HORMAD1: variants seen among roughly 807,000 people sequenced by gnomAD.
The protein encoded by HORMAD1 is HORMA domain containing 1.
A neutral mutation model predicts 58.2 loss-of-function variants in HORMAD1; 33 were observed. That is an observed-to-expected ratio of 0.57 (90% confidence interval 0.43 to 0.76). The LOEUF (loss-of-function observed/expected upper bound fraction) is 0.76. HORMAD1 is among the 30% of genes least tolerant of loss of function. The pLI is 0.00. For synonymous variants in HORMAD1, 137 were observed against 144.6 expected (o/e 0.95, Z 0.38); for missense variants, 363 against 462.0 (o/e 0.79, Z 1.96).
At chr1:150,713,384 G>A (rs1201172216) in intron 5 of HORMAD1, among the ~76,000 whole-genome samples, 3 of 151,976 alleles carry the variant, frequency 2.0e-5, no homozygotes, top group South Asian at 2.1e-4. Flanking sequence ...TATTTACTAC[G>A]CCTTAATGGG....
At chr1:150,714,461 A>G (rs1015312523) in intron 4 of HORMAD1, among the ~76,000 whole-genome samples, 154 bp downstream of exon 4, 7 of 152,198 alleles carry the variant, frequency 4.6e-5, no homozygotes, top group African/African-American at 1.7e-4. Context: ...GGAGAGGAAA[A>G]CTTCGGTGGA....
chr1:150,709,878 T>G (rs1188179141), intron 7 of HORMAD1, among the ~76,000 whole-genome samples: 1 of 152,240 alleles, frequency 6.6e-6, no homozygotes, highest in East Asian at 1.9e-4. Context: ...GAGAAACAAA[T>G]CTGGCTTACG....
chr1:150,708,478 A>G (rs1435199066), intron 8 of HORMAD1, 71 bp from the exon 9 acceptor site: 1 of 985,972 alleles, frequency 1.0e-6, no homozygotes, highest in Non-Finnish European at 1.5e-6. Context: ...TTACATTTTA[A>G]CTATTTGAGA....
At chr1:150,698,962 G>C (rs1651453079) in intron 14 of HORMAD1, 3 of 386,572 alleles carry the variant, frequency 7.8e-6, no homozygotes, top group African/African-American at 2.1e-5. Flanking sequence ...CTTCAGTAGG[G>C]CTGCTCTAGA....
intron 2 of HORMAD1, 109 bp downstream of exon 2, chr1:150,719,364 C>T: frequency 1.4e-6 from 1 of 701,376 alleles, no homozygotes; most frequent in East Asian, 2.8e-5. Flanking sequence ...TTCCTGGTAT[C>T]ATAAAACCCT....
rs587635291 is a variant in HORMAD1, at chr1:150,712,506, A to G, written c.280-653T>C. Reference sequence around the variant, plus strand: ...GCTATTCTCCTTACTCCCAATCTTAATCTCCTTCTACAGCATATTCTCTAA... The same window carrying G: ...GCTATTCTCCTTACTCCCAATCTTAGTCTCCTTCTACAGCATATTCTCTAA... On this transcript the variant is annotated intron_variant, in intron 5 of 14. Transcript: ENST00000361824. Among the ~76,000 whole-genome samples the G allele has an allele frequency of 4.3e-3, 660 of 152,146 alleles. 5 individuals are homozygous for G. Among genetic ancestry groups the G allele is most frequent in the African/African-American group, 0.015 (615 of 41,500 alleles).
chr1:150,709,181 G>C (rs1376585127), intron 7 of HORMAD1, among the ~76,000 whole-genome samples: 1 of 152,174 alleles, frequency 6.6e-6, no homozygotes, highest in Non-Finnish European at 1.5e-5. Context: ...TCATTGTAAT[G>C]TATGTTATTG....
Position 150,706,641 on chromosome 1 carries a change from G to C in HORMAD1, c.716C>G (p.Thr239Ser). Residue 239 changes from threonine to serine, a missense_variant, in exon 10 of 15, where the codon ACT becomes AGT. By Grantham distance (58) the Thr-to-Ser change is moderately conservative. Around this residue, in one of 3 missense-constraint regions of HORMAD1, gnomAD observed 226 missense variants for 257.8 expected, o/e 0.88. Transcript: ENST00000361824. Reference protein sequence around the residue: ...ERERMENIDSTILSPKQIKTP... With the variant: ...ERERMENIDSSILSPKQIKTP... ...TTTTATTTGTTTTGGTGATAGTATA[G>C]TTGAGTCAATATTTTCCATTCGTTC... 1 of 1,612,994 alleles carries C rather than the reference G, an allele frequency of 6.2e-7. No individual in the cohort carries two copies. Among genetic ancestry groups the C allele is most frequent in the East Asian group, 2.2e-5 (1 of 44,814 alleles).
At chr1:150,718,753 T>C (rs1652165431) in intron 2 of HORMAD1, among the ~76,000 whole-genome samples, 1 of 152,112 alleles carries the variant, frequency 6.6e-6, no homozygotes, top group African/African-American at 2.4e-5. Context: ...GCCACCTTCA[T>C]AGCTGAGACT....
chr1:150,706,589 G>C lies in HORMAD1; in HGVS notation c.768C>G (p.Asp256Glu), dbSNP rs1179437305. The C allele has an allele frequency of 4.3e-6, 7 of 1,609,852 alleles. No homozygotes were observed. The African/African-American group carries it at 9.4e-5, about 22-fold the overall frequency. ...GCTCCTGTTCATCTTCTACATCTTT[G>C]TCCCTCAGGATTTTTTGAAATGGTG... ...IKTPFQKILR[D>E]KDVEDEQEHY... Residue 256 changes from aspartate (D) to glutamate (E), a missense_variant, in exon 10 of 15, where the codon GAC (aspartate) becomes GAG (glutamate). Physicochemically the swap from Asp to Glu is conservative, Grantham distance 45 (BLOSUM62 2). Coordinates refer to ENST00000361824, the MANE Select transcript of HORMAD1 (RefSeq NM_032132.5).
chr1:150,704,380 C>T, intron 10 of HORMAD1, 37 bp from the exon 11 acceptor site: 2 of 1,306,576 alleles, frequency 1.5e-6, no homozygotes, highest in Non-Finnish European at 2.1e-6. Context: ...TGACACATTT[C>T]AAAAAGGAAC....
At chr1:150,709,266 G>A (rs587670958) in intron 7 of HORMAD1, among the ~76,000 whole-genome samples, 3 of 152,244 alleles carry the variant, frequency 2.0e-5, no homozygotes, top group Non-Finnish European at 1.5e-5. Flanking sequence ...TTTTGAAAAA[G>A]ACTTGTACTT....
At position 150,698,754 on chromosome 1, in the gene HORMAD1, AC is replaced by A; in HGVS notation, c.1105-21del. The A allele has an allele frequency of 7.4e-7, 1 of 1,344,444 alleles. No individual in the cohort carries two copies. Among genetic ancestry groups the A allele is most frequent in the Non-Finnish European group, 1.0e-6 (1 of 954,174 alleles). The allele number at this position is 1,344,444 out of a possible 1,614,324, so 83.3% of individuals were successfully genotyped here. On this transcript the variant is annotated intron_variant, in intron 14 of 14. Coordinates refer to ENST00000361824, the MANE Select transcript of HORMAD1 (RefSeq NM_032132.5). ...GAGGACCTGTCAAAAGAAAACAACT[AC>A]TAAGAATAGATACTTTCCTGTTTAA...
At chr1:150,716,856 G>C (rs1470763708) in intron 3 of HORMAD1, among the ~76,000 whole-genome samples, 1 of 151,060 alleles carries the variant, frequency 6.6e-6, no homozygotes, top group Non-Finnish European at 1.5e-5. Flanking sequence ...CCAGCTACTC[G>C]TGAGGCTGAA....
At position 150,708,861 on chromosome 1, in the gene HORMAD1, C is replaced by A. The variant is rs1005489807; in HGVS notation, c.395+33G>T. 2.8e-6 allele frequency: 3 copies of A among 1,081,720 alleles called. No individual in the cohort carries two copies. The African/African-American group carries it at 4.7e-5, about 17-fold the overall frequency. 67.0% of individuals were successfully genotyped at this position (1,081,720 alleles called of 1,614,324 possible). ...AGCATTAATATGAATAAGTGGTAAT[C>A]TGTAATACAAACAGAAAACTATAGA... On this transcript the variant is annotated intron_variant, in intron 8 of 14. Transcript: ENST00000361824.
At chr1:150,717,733 C>G (rs1055104121) in intron 2 of HORMAD1, among the ~76,000 whole-genome samples, 1 of 151,972 alleles carries the variant, frequency 6.6e-6, no homozygotes, top group African/African-American at 2.4e-5. Flanking sequence ...GAGTTCAAGA[C>G]CAGCCTGGCC....
rs779764133 is a variant in HORMAD1 at position 150,714,596 on chromosome 1, T to C, written c.242+19A>G. 1 of 1,303,442 alleles carries C rather than the reference T, an allele frequency of 7.7e-7. No individual in the cohort carries two copies. The highest frequency in any genetic ancestry group is 1.1e-6 in the Non-Finnish European group (1 of 943,392). The allele number at this position is 1,303,442 out of a possible 1,614,324, so 80.7% of individuals were successfully genotyped here. A position where few individuals can be genotyped will look rare whatever the true frequency, so the allele number is the denominator to read the frequency against. On this transcript the variant is annotated intron_variant, in intron 4 of 14. Transcript: ENST00000361824. ...TGAGAAAAAAATAATTTTCTCTCTT[T>C]AGGTATTCTTTTACTTGCCATTTCA...
Position 150,698,689 on chromosome 1 carries a change from T to A in HORMAD1, c.1150A>T (p.Arg384Trp), listed in dbSNP as rs772223273. 24 of 1,602,800 alleles carry A rather than the reference T, an allele frequency of 1.5e-5. No homozygotes were observed. The highest frequency in any genetic ancestry group is 1.9e-5 in the Non-Finnish European group (22 of 1,171,096). ...TCCTTTGGTTCACTAAACTTTCTCC[T>A]TTTTGGCACTGACTCTTGACTAGAA... ...DSSSQESVPK[R>W]RKFSEPKEHI Residue 384 changes from arginine (R) to tryptophan (W), a missense_variant, in exon 15 of 15, where the codon AGG (arginine) becomes TGG (tryptophan). Arg to Trp is a moderately radical substitution (Grantham distance 101, BLOSUM62 -3). This residue lies in a region of HORMAD1 where 226 missense variants were observed against 257.8 expected (regional missense o/e 0.88). Transcript: ENST00000361824.
At chr1:150,709,220 G>T (rs926166274) in intron 7 of HORMAD1, among the ~76,000 whole-genome samples, 17 of 152,172 alleles carry the variant, frequency 1.1e-4, no homozygotes, top group African/African-American at 3.9e-4. Context: ...GACTGTTACT[G>T]TGTCTATGTA....
Sources: gnomAD v4.1 joint callset for allele counts (sites outside exome capture counted in the v4.1 genomes callset) on GRCh38, gnomAD v4.1.1 for gene constraint, gnomAD v4.1.1 regional missense constraint, MANE v1.5 for transcripts, NCBI Gene and HGNC (gene_info 2026-07-23, HGNC 2026-07-21) for gene names.